KCTD16: variants seen among roughly 807,000 people sequenced by gnomAD.
KCTD16 encodes BTB/POZ domain-containing protein KCTD16.
Under a neutral mutation model 33.2 loss-of-function variants are expected in KCTD16, and 13 were observed. The ratio of observed to expected loss-of-function variants is 0.39; its 90% CI spans 0.25 to 0.62. The LOEUF is 0.62. KCTD16 is among the 20% of genes least tolerant of loss of function. The pLI, the probability that KCTD16 is intolerant of heterozygous loss-of-function variation, is 0.50. For missense variants in KCTD16, 441 were observed against 525.1 expected (o/e 0.84, Z 1.57); for synonymous variants, 197 against 195.3 (o/e 1.01, Z -0.07).
intron 3 of KCTD16, among the ~76,000 whole-genome samples, chr5:144,456,441 G>A: frequency 6.6e-6 from 1 of 152,128 alleles, no homozygotes; most frequent in Admixed American, 6.5e-5. Context: ...CTATCACTTT[G>A]TTCCTTTTCA....
At chr5:144,436,672 C>T (rs1241173684) in intron 3 of KCTD16, among the ~76,000 whole-genome samples, 10 of 151,890 alleles carry the variant, frequency 6.6e-5, no homozygotes, top group African/African-American at 1.9e-4. Flanking sequence ...ACTGCAACCC[C>T]TGCCTCCCAG....
At chr5:144,188,803 T>C (rs1410839501) in intron 2 of KCTD16, among the ~76,000 whole-genome samples, 1 of 152,226 alleles carries the variant, frequency 6.6e-6, no homozygotes, top group East Asian at 1.9e-4. Context: ...GTAATATTCC[T>C]AATCAAATAC....
intron 2 of KCTD16, among the ~76,000 whole-genome samples, chr5:144,202,373 A>G (rs1753062512): frequency 6.6e-6 from 1 of 152,238 alleles, no homozygotes; most frequent in Non-Finnish European, 1.5e-5. Flanking sequence ...CGCTTACTCT[A>G]GCACTATTTA....
chr5:144,280,300 C>T (rs748414473), intron 3 of KCTD16, among the ~76,000 whole-genome samples: 1 of 151,872 alleles, frequency 6.6e-6, no homozygotes, highest in African/African-American at 2.4e-5. Context: ...CCATCTGGGC[C>T]TGGAGTTTTA....
At chr5:144,201,028 G>A (rs906096229) in intron 2 of KCTD16, among the ~76,000 whole-genome samples, 8 of 152,144 alleles carry the variant, frequency 5.3e-5, no homozygotes, top group African/African-American at 9.7e-5. Flanking sequence ...TTACAGGTGC[G>A]AGCCACCTTA....
At chr5:144,400,897 T>A (rs1321867216) in intron 3 of KCTD16, among the ~76,000 whole-genome samples, 1 of 152,086 alleles carries the variant, frequency 6.6e-6, no homozygotes, top group African/African-American at 2.4e-5. Flanking sequence ...AGGAAGAGCA[T>A]TTCCAGGCAG....
chr5:144,405,256 C>T (rs769705619), intron 3 of KCTD16, among the ~76,000 whole-genome samples: 4 of 152,144 alleles, frequency 2.6e-5, no homozygotes, highest in South Asian at 2.1e-4. Flanking sequence ...GTTACTACCT[C>T]GGTAAATTCT....
chr5:144,468,031 G>A (rs770059102), intron 3 of KCTD16, among the ~76,000 whole-genome samples: 2 of 152,090 alleles, frequency 1.3e-5, no homozygotes, highest in Non-Finnish European at 2.9e-5. Flanking sequence ...CGGCAGCCCA[G>A]CTTTTGTTTA....
At chr5:144,459,978 A>G (rs1252858808) in intron 3 of KCTD16, among the ~76,000 whole-genome samples, 4 of 151,804 alleles carry the variant, frequency 2.6e-5, no homozygotes, top group African/African-American at 9.7e-5. Flanking sequence ...GACTACAGGC[A>G]TCTGCCACCA....
At chr5:144,332,859 A>G (rs1005349500) in intron 3 of KCTD16, among the ~76,000 whole-genome samples, 4 of 152,218 alleles carry the variant, frequency 2.6e-5, no homozygotes, top group Non-Finnish European at 5.9e-5. Flanking sequence ...ACAGTTCCAC[A>G]TAGCTGGGAA....
At chr5:144,260,658 A>C (rs1176602641) in intron 3 of KCTD16, among the ~76,000 whole-genome samples, 2 of 152,236 alleles carry the variant, frequency 1.3e-5, no homozygotes, top group African/African-American at 4.8e-5. Flanking sequence ...AAATGAAACT[A>C]TAATGTGAGA....
chr5:144,341,471 G>A (rs1752641237), intron 3 of KCTD16, among the ~76,000 whole-genome samples: 1 of 152,128 alleles, frequency 6.6e-6, no homozygotes, highest in Non-Finnish European at 1.5e-5. Context: ...TTGTGAATCT[G>A]AAGGCTTAGC....
intron 3 of KCTD16, among the ~76,000 whole-genome samples, chr5:144,279,559 G>T (rs752411666): frequency 3.3e-5 from 5 of 152,198 alleles, no homozygotes; most frequent in Non-Finnish European, 7.3e-5. Flanking sequence ...AATTCTGGAG[G>T]CTGAGAAGTC....
chr5:144,324,387 C>A (rs1465748863), intron 3 of KCTD16, among the ~76,000 whole-genome samples: 1 of 152,128 alleles, frequency 6.6e-6, no homozygotes, highest in East Asian at 1.9e-4. Flanking sequence ...TACCATCTCA[C>A]ACCCATCAGA....
At chr5:144,396,481 A>G (rs960780318) in intron 3 of KCTD16, among the ~76,000 whole-genome samples, 2 of 152,194 alleles carry the variant, frequency 1.3e-5, no homozygotes, top group Non-Finnish European at 2.9e-5. Flanking sequence ...AACTCGGAAC[A>G]TATTCCTGGT....
At chr5:144,295,841 T>G (rs1243334595) in intron 3 of KCTD16, among the ~76,000 whole-genome samples, 1 of 152,138 alleles carries the variant, frequency 6.6e-6, no homozygotes, top group Admixed American at 6.5e-5. Flanking sequence ...AACTGGAGGA[T>G]GAGAGCCATA....
At position 144,480,959 on chromosome 5, in the gene KCTD16, G is replaced by C. The variant is rs1477011551; in HGVS notation, c.*6845G>C. The C allele has an allele frequency of 1.3e-5, 2 of 151,920 alleles. No homozygotes were observed. Among genetic ancestry groups the C allele is most frequent in the African/African-American group, 4.8e-5 (2 of 41,392 alleles). 9.4% of individuals were successfully genotyped at this position (151,920 alleles called of 1,614,324 possible). ...GTTTAAATGTGTATAGAAATTATAT[G>C]TATGGAAATTATTTGAAGTTAGACA... On this transcript the variant is annotated 3_prime_UTR_variant, in exon 4 of 4. Transcript: ENST00000512467.
At chr5:144,274,958 AT>A (rs1186229224) in intron 3 of KCTD16, among the ~76,000 whole-genome samples, 1 of 152,148 alleles carries the variant, frequency 6.6e-6, no homozygotes, top group Non-Finnish European at 1.5e-5. Flanking sequence ...GGTAATTATA[AT>A]TTCTTTAAAG....
chr5:144,234,705 T>C (rs1237606120), intron 3 of KCTD16, among the ~76,000 whole-genome samples: 1 of 152,188 alleles, frequency 6.6e-6, no homozygotes, highest in Non-Finnish European at 1.5e-5. Context: ...TTAAATAAAA[T>C]GGCATCTATG....
Sources: gnomAD v4.1 joint callset for allele counts (sites outside exome capture counted in the v4.1 genomes callset) on GRCh38, gnomAD v4.1.1 for gene constraint, MANE v1.5 for transcripts, NCBI Gene and HGNC (gene_info 2026-07-23, HGNC 2026-07-21) for gene names.